Variants in DACH1 observed in about 807,000 individuals in gnomAD.
DACH1 encodes dachshund family transcription factor 1.
A neutral mutation model predicts 54.2 loss-of-function variants in DACH1; 12 were observed. That is an observed-to-expected ratio of 0.22 (90% confidence interval 0.14 to 0.36). The LOEUF (loss-of-function observed/expected upper bound fraction) is 0.36, where lower values mean the gene tolerates loss of function less well. DACH1 is among the 10% of genes least tolerant of loss of function. The pLI is 1.00. For synonymous variants in DACH1, 386 were observed against 366.2 expected (o/e 1.05, Z -0.62); for missense variants, 805 against 929.8 (o/e 0.87, Z 1.75).
At position 71,546,083 on chromosome 13, in the gene DACH1, T is replaced by A. The variant is rs1056422525; in HGVS notation, c.1570+10941A>T. Among the ~76,000 whole-genome samples the A allele has an allele frequency of 1.4e-4, 22 of 152,222 alleles. No individual in the cohort carries two copies. In the East Asian group the frequency reaches 3.9e-3, roughly 27 times the overall value. ...GGCTGATACATTTTTATGTAGAAAATTACATTTTACTTAAAGTAATTTGGC... is the reference window on the plus strand; with the variant it reads ...GGCTGATACATTTTTATGTAGAAAAATACATTTTACTTAAAGTAATTTGGC... On this transcript the variant is annotated intron_variant, in intron 6 of 10. Transcript: ENST00000613252.
Position 71,866,803 on chromosome 13 carries a change from G to A in DACH1, c.-34C>T. 7.7e-7 allele frequency: 1 copy of A among 1,290,526 alleles called. No individual in the cohort carries two copies. The highest frequency in any genetic ancestry group is 9.9e-7 in the Non-Finnish European group (1 of 1,009,926). 79.9% of individuals were successfully genotyped at this position (1,290,526 alleles called of 1,614,324 possible). ...ATAAGGGGAAACAGACGGAGGAGAA[G>A]CGAGAGGAAAAGTTGCCACACACCC... On this transcript the variant is annotated 5_prime_UTR_variant, in exon 1 of 11. Coordinates refer to ENST00000613252, the MANE Select transcript of DACH1 (RefSeq NM_080759.6).
chr13:71,737,498 G>T (rs762113834), intron 1 of DACH1, among the ~76,000 whole-genome samples: 1 of 152,144 alleles, frequency 6.6e-6, no homozygotes, highest in Non-Finnish European at 1.5e-5. Flanking sequence ...GTTGATGAAG[G>T]CATCTTTAAA....
At chr13:71,504,520 T>TAC (rs1880159499) in intron 6 of DACH1, among the ~76,000 whole-genome samples, 1 of 152,112 alleles carries the variant, frequency 6.6e-6, no homozygotes, top group Non-Finnish European at 1.5e-5. Flanking sequence ...TAGGAGGAAC[T>TAC]GAGGAAAGGC....
intron 2 of DACH1, among the ~76,000 whole-genome samples, chr13:71,661,783 T>C (rs904574548): frequency 2.6e-5 from 4 of 151,992 alleles, no homozygotes; most frequent in Non-Finnish European, 1.5e-5. Flanking sequence ...GCATTTCTAA[T>C]GAGATTTCCA....
At chr13:71,718,327 G>C (rs1361105092) in intron 1 of DACH1, among the ~76,000 whole-genome samples, 1 of 152,002 alleles carries the variant, frequency 6.6e-6, no homozygotes, top group African/African-American at 2.4e-5. Flanking sequence ...GCTCACACGT[G>C]CAATCCCAGA....
intron 1 of DACH1, chr13:71,704,215 G>A (rs1882311914): frequency 1.2e-5 from 3 of 240,142 alleles, no homozygotes; most frequent in Non-Finnish European, 2.5e-5. Context: ...AGAGGCACCT[G>A]ATATATGTTC....
At position 71,529,490 on chromosome 13, in the gene DACH1, T is replaced by C. The variant is rs1882266722; in HGVS notation, c.1570+27534A>G. On this transcript the variant is annotated intron_variant, in intron 6 of 10. Coordinates refer to ENST00000613252, the MANE Select transcript of DACH1 (RefSeq NM_080759.6). ...AGCCACTGCGCCCAGCTGATTTGGGTAGTTTTTATTGGTCTATATTTATAC... is the reference window on the plus strand; with the variant it reads ...AGCCACTGCGCCCAGCTGATTTGGGCAGTTTTTATTGGTCTATATTTATAC... 3.9e-5 allele frequency among the ~76,000 whole-genome samples: 6 copies of C among 152,238 alleles called. No homozygotes were observed. The South Asian group carries it at 1.2e-3, about 32-fold the overall frequency.
At chr13:71,652,261 G>A (rs1878738970) in intron 2 of DACH1, among the ~76,000 whole-genome samples, 1 of 152,054 alleles carries the variant, frequency 6.6e-6, no homozygotes, top group Non-Finnish European at 1.5e-5. Flanking sequence ...CTAACAAATC[G>A]TTACTGTCCC....
At chr13:71,488,951 A>G (rs768580444) in intron 7 of DACH1, 46 bp downstream of exon 7, 84 of 1,578,020 alleles carry the variant, frequency 5.3e-5, no homozygotes, top group Non-Finnish European at 7.1e-5. Flanking sequence ...AAAATCTACA[A>G]CAGGGTGTTC....
intron 1 of DACH1, among the ~76,000 whole-genome samples, chr13:71,796,150 T>A (rs1188612583): frequency 6.6e-6 from 1 of 152,172 alleles, no homozygotes; most frequent in Non-Finnish European, 1.5e-5. Flanking sequence ...TGCAAGTGAC[T>A]TCACAATGGC....
At chr13:71,759,834 G>A (rs997075159) in intron 1 of DACH1, among the ~76,000 whole-genome samples, 3 of 152,080 alleles carry the variant, frequency 2.0e-5, no homozygotes, top group Non-Finnish European at 4.4e-5. Flanking sequence ...TCACATAAAT[G>A]AGCAATGTCA....
At chr13:71,830,847 C>T (rs917554059) in intron 1 of DACH1, among the ~76,000 whole-genome samples, 1 of 151,858 alleles carries the variant, frequency 6.6e-6, no homozygotes, top group African/African-American at 2.4e-5. Context: ...AGCAATAACA[C>T]CTCACCCTGT....
chr13:71,689,574 G>A (rs1325328136), intron 1 of DACH1, among the ~76,000 whole-genome samples: 1 of 152,142 alleles, frequency 6.6e-6, no homozygotes, highest in African/African-American at 2.4e-5. Context: ...TGTGGCCTCT[G>A]ACCTCAAAAG....
chr13:71,478,753 A>G (rs1877787416), intron 8 of DACH1, among the ~76,000 whole-genome samples: 1 of 152,192 alleles, frequency 6.6e-6, no homozygotes, highest in African/African-American at 2.4e-5. Context: ...CAGTTGATAA[A>G]TATCTTAGTA....
At chr13:71,714,436 C>T (rs1161328895) in intron 1 of DACH1, among the ~76,000 whole-genome samples, 4 of 151,960 alleles carry the variant, frequency 2.6e-5, no homozygotes, top group African/African-American at 4.8e-5. Flanking sequence ...GAATCCTTTT[C>T]GAAAAGTATC....
intron 1 of DACH1, among the ~76,000 whole-genome samples, chr13:71,784,878 C>G (rs749456416): frequency 5.3e-5 from 8 of 152,116 alleles, no homozygotes; most frequent in Non-Finnish European, 1.2e-4. Flanking sequence ...TTATCTAGAT[C>G]TGTTCTAAGA....
intron 6 of DACH1, among the ~76,000 whole-genome samples, chr13:71,526,698 G>T (rs974859386): frequency 6.8e-6 from 1 of 146,854 alleles, no homozygotes. Flanking sequence ...ACATACATAT[G>T]TGTGTGTGTA....
intron 1 of DACH1, among the ~76,000 whole-genome samples, chr13:71,791,943 C>A (rs1336779450): frequency 6.6e-6 from 1 of 152,246 alleles, no homozygotes; most frequent in East Asian, 1.9e-4. Context: ...CCAAAGCCAC[C>A]TCAGCAACCC....
At chr13:71,516,740 C>T (rs1193365838) in intron 6 of DACH1, among the ~76,000 whole-genome samples, 6 of 151,830 alleles carry the variant, frequency 4.0e-5, no homozygotes, top group Admixed American at 4.0e-4. Flanking sequence ...CTGCCAAGCA[C>T]TTGTAACAGC....
Sources: gnomAD v4.1 joint callset for allele counts (sites outside exome capture counted in the v4.1 genomes callset) on GRCh38, gnomAD v4.1.1 for gene constraint, MANE v1.5 for transcripts, NCBI Gene and HGNC (gene_info 2026-07-23, HGNC 2026-07-21) for gene names.